The following SUCLG2 variants were observed in gnomAD, a reference collection of about 807,000 sequenced individuals.
SUCLG2 encodes succinate-CoA ligase GDP-forming subunit beta.
In SUCLG2, 42 loss-of-function variants were observed where a neutral mutation model predicts 47.9. The ratio of observed to expected loss-of-function variants is 0.88; its 90% CI spans 0.69 to 1.14. The LOEUF (loss-of-function observed/expected upper bound fraction) is 1.14, where lower values mean the gene tolerates loss of function less well. SUCLG2 is among the 50% of genes most tolerant of loss of function. SUCLG2 has a pLI of 0.00. For missense variants in SUCLG2, 571 were observed against 525.9 expected (o/e 1.09, Z -0.84); for synonymous variants, 195 against 197.3 (o/e 0.99, Z 0.10).
chr3:67,460,913 A>G (rs1018901625), intron 9 of SUCLG2, among the ~76,000 whole-genome samples: 10 of 152,172 alleles, frequency 6.6e-5, no homozygotes, highest in African/African-American at 2.4e-4. Context: ...TCTGGGGTTT[A>G]TCTGATAAGA....
At chr3:67,369,094 T>C (rs888195582) in intron 10 of SUCLG2, among the ~76,000 whole-genome samples, 2 of 152,176 alleles carry the variant, frequency 1.3e-5, no homozygotes, top group African/African-American at 4.8e-5. Flanking sequence ...TATTGGTCAG[T>C]TCTTGAATAT....
At chr3:67,362,235 T>C (rs1575649584) in intron 10 of SUCLG2, among the ~76,000 whole-genome samples, 1 of 152,156 alleles carries the variant, frequency 6.6e-6, no homozygotes, top group Non-Finnish European at 1.5e-5. Context: ...AAGAGAACTT[T>C]TCATGTACCC....
intron 2 of SUCLG2, among the ~76,000 whole-genome samples, chr3:67,559,567 C>G (rs1707253336): frequency 6.6e-6 from 1 of 152,110 alleles, no homozygotes; most frequent in South Asian, 2.1e-4. Flanking sequence ...ATTCCTCCCT[C>G]CATACAGGGA....
At chr3:67,613,731 T>A in intron 1 of SUCLG2, among the ~76,000 whole-genome samples, 1 of 152,332 alleles carries the variant, frequency 6.6e-6, no homozygotes, top group South Asian at 2.1e-4. Flanking sequence ...AATAAAGCCA[T>A]GTTACAAATT....
chr3:67,531,217 G>A (rs77023618), intron 2 of SUCLG2, among the ~76,000 whole-genome samples: 5,735 of 152,216 alleles, frequency 0.038, 315 homozygotes, highest in African/African-American at 0.12. Context: ...GACATTTCCT[G>A]TTTTTCTTTG....
chr3:67,495,979 A>G, intron 8 of SUCLG2, 39 bp from the exon 9 acceptor site: 1 of 1,612,618 alleles, frequency 6.2e-7, no homozygotes, highest in Non-Finnish European at 8.5e-7. Context: ...GGCTACATTT[A>G]GCAACATGAA....
At chr3:67,501,410 T>C (rs1256520998) in intron 7 of SUCLG2, among the ~76,000 whole-genome samples, 1 of 152,198 alleles carries the variant, frequency 6.6e-6, no homozygotes, top group Non-Finnish European at 1.5e-5. Context: ...AAATATATTA[T>C]TTTGGTCTTC....
intron 9 of SUCLG2, among the ~76,000 whole-genome samples, chr3:67,487,813 TG>T (rs1260144625): frequency 6.6e-6 from 1 of 152,178 alleles, no homozygotes; most frequent in Non-Finnish European, 1.5e-5. Flanking sequence ...GCATACATTT[TG>T]ACCCTTACAC....
intron 10 of SUCLG2, among the ~76,000 whole-genome samples, chr3:67,400,165 AT>A (rs1702650685): frequency 6.6e-6 from 1 of 151,042 alleles, no homozygotes; most frequent in East Asian, 1.9e-4. Flanking sequence ...GTGAAAAGTT[AT>A]TTACAAACCT....
Position 67,620,449 on chromosome 3 carries a change from GTGGCACGCACCTTTAATCCC to G in SUCLG2, c.85-10873_85-10854del, listed in dbSNP as rs1700713813. On this transcript the variant is annotated intron_variant, in intron 1 of 10. Transcript: ENST00000307227. ...AAAATACAAAAATTAGCTGGGCGTG[GTGGCACGCACCTTTAATCCC>G]AGGTACTCAGGAGGCTGAGACAGGA... is the stretch of plus-strand genomic sequence containing the variant. Among the ~76,000 whole-genome samples the G allele has an allele frequency of 6.6e-5, 10 of 152,080 alleles. No individual in the cohort carries two copies. In the South Asian group the frequency reaches 1.5e-3, roughly 22 times the overall value.
chr3:67,369,440 T>C (rs1163320534), intron 10 of SUCLG2, among the ~76,000 whole-genome samples: 2 of 152,174 alleles, frequency 1.3e-5, no homozygotes, highest in African/African-American at 4.8e-5. Flanking sequence ...TGTTCTGATA[T>C]ATTGTGTGCT....
intron 2 of SUCLG2, among the ~76,000 whole-genome samples, chr3:67,542,451 T>C (rs914303368): frequency 2.0e-5 from 3 of 152,128 alleles, no homozygotes; most frequent in Non-Finnish European, 4.4e-5. Flanking sequence ...GCTAGCATCA[T>C]AACAACAGGA....
intron 9 of SUCLG2, among the ~76,000 whole-genome samples, chr3:67,419,099 T>C (rs534828678): frequency 6.6e-6 from 1 of 152,226 alleles, no homozygotes; most frequent in Non-Finnish European, 1.5e-5. Flanking sequence ...CAGTCATCTC[T>C]GTCCTCTATC....
intron 9 of SUCLG2, among the ~76,000 whole-genome samples, chr3:67,490,100 T>G (rs1385259830): frequency 6.6e-6 from 1 of 152,212 alleles, no homozygotes; most frequent in Non-Finnish European, 1.5e-5. Context: ...ACTTTTGGTT[T>G]GGAGCTGCTC....
intron 2 of SUCLG2, among the ~76,000 whole-genome samples, chr3:67,540,913 T>C (rs1706687830): frequency 6.6e-6 from 1 of 152,146 alleles, no homozygotes; most frequent in African/African-American, 2.4e-5. Context: ...ACAGGTTCTG[T>C]AGTGGACCGC....
chr3:67,520,459 G>T, intron 5 of SUCLG2, 23 bp downstream of exon 5: 1 of 1,613,800 alleles, frequency 6.2e-7, no homozygotes, highest in Non-Finnish European at 8.5e-7. Flanking sequence ...ATTAATAGCA[G>T]GTAGCCCGGA....
intron 9 of SUCLG2, among the ~76,000 whole-genome samples, chr3:67,448,577 G>GT (rs1703981955): frequency 6.6e-6 from 1 of 152,146 alleles, no homozygotes; most frequent in Admixed American, 6.5e-5. Flanking sequence ...TAGAGACAGG[G>GT]TTTTGCCATG....
intron 2 of SUCLG2, among the ~76,000 whole-genome samples, chr3:67,594,110 C>T (rs1708239879): frequency 6.6e-6 from 1 of 152,188 alleles, no homozygotes; most frequent in Non-Finnish European, 1.5e-5. Flanking sequence ...CAGTTTGCAG[C>T]CAAGCCCAGA....
chr3:67,370,719 T>A (rs531523659), downstream of SUCLG2, among the ~76,000 whole-genome samples: 95 of 152,312 alleles, frequency 6.2e-4, 2 homozygotes, highest in Admixed American at 6.0e-3. Context: ...TATGCTGTAA[T>A]AAAAGTTATA....
Sources: gnomAD v4.1 joint callset for allele counts (sites outside exome capture counted in the v4.1 genomes callset) on GRCh38, gnomAD v4.1.1 for gene constraint, MANE v1.5 for transcripts, NCBI Gene and HGNC (gene_info 2026-07-23, HGNC 2026-07-21) for gene names.